Variants in SLC12A2 observed in about 807,000 individuals in gnomAD.
The protein encoded by SLC12A2 is solute carrier family 12 member 2, also known as Na-K-2Cl cotransporter 1.
In SLC12A2, 67 loss-of-function variants were observed where a neutral mutation model predicts 136.3. The ratio of observed to expected loss-of-function variants is 0.49; its 90% confidence interval spans 0.40 to 0.60. The LOEUF (loss-of-function observed/expected upper bound fraction) is 0.60. Among genes scored for constraint, SLC12A2 ranks in the 20% least tolerant of loss-of-function variants. The pLI is 0.00. For missense variants in SLC12A2, 1,322 were observed against 1,534.7 expected (o/e 0.86, Z 2.32); for synonymous variants, 619 against 562.9 (o/e 1.10, Z -1.41).
intron 26 of SLC12A2, among the ~76,000 whole-genome samples, chr5:128,185,142 A>T (rs1763827259): frequency 6.6e-6 from 1 of 152,098 alleles, no homozygotes. Context: ...TATCTTTGTA[A>T]ACACTACAGC....
At chr5:128,107,128 T>C (rs959776479) in intron 1 of SLC12A2, among the ~76,000 whole-genome samples, 7 of 152,202 alleles carry the variant, frequency 4.6e-5, no homozygotes, top group Non-Finnish European at 7.3e-5. Flanking sequence ...AGTTGAATCA[T>C]CAATCCCTAT....
intron 19 of SLC12A2, among the ~76,000 whole-genome samples, chr5:128,174,116 C>T (rs1270272423): frequency 6.6e-6 from 1 of 152,130 alleles, no homozygotes; most frequent in Non-Finnish European, 1.5e-5. Flanking sequence ...GACTTGTACT[C>T]ATTACTGATT....
chr5:128,184,928 G>A (rs955166615), intron 26 of SLC12A2, 72 bp downstream of exon 26: 19 of 1,328,524 alleles, frequency 1.4e-5, no homozygotes, highest in Non-Finnish European at 1.6e-5. Context: ...TCTATTCCAA[G>A]TACATATCTA....
intron 6 of SLC12A2, 46 bp downstream of exon 6, chr5:128,134,321 T>C (rs775545051): frequency 1.0e-6 from 1 of 986,342 alleles, no homozygotes; most frequent in Non-Finnish European, 1.6e-6. Context: ...ACGTAAACTT[T>C]TAGAGCTTAT....
intron 4 of SLC12A2, among the ~76,000 whole-genome samples, chr5:128,122,163 G>A (rs1322957545): frequency 6.6e-6 from 1 of 152,224 alleles, no homozygotes; most frequent in Non-Finnish European, 1.5e-5. Flanking sequence ...GCAGAGGTCA[G>A]TATCTTTTCA....
chr5:128,178,722 A>C, intron 22 of SLC12A2, 33 bp downstream of exon 22: 1 of 1,485,494 alleles, frequency 6.7e-7, no homozygotes, highest in Non-Finnish European at 9.0e-7. Flanking sequence ...AATGATTTTA[A>C]ATTTACTGAC....
intron 1 of SLC12A2, among the ~76,000 whole-genome samples, chr5:128,103,287 T>C (rs1000622957): frequency 1.3e-5 from 2 of 152,204 alleles, no homozygotes; most frequent in African/African-American, 4.8e-5. Flanking sequence ...GAGTGGATAA[T>C]ATCCCCATTT....
At chr5:128,162,968 G>A (rs1013866832) in intron 17 of SLC12A2, among the ~76,000 whole-genome samples, 32 of 152,100 alleles carry the variant, frequency 2.1e-4, no homozygotes, top group African/African-American at 7.5e-4. Flanking sequence ...AAGCTGATCA[G>A]CTATCATTAG....
intron 22 of SLC12A2, among the ~76,000 whole-genome samples, chr5:128,179,689 T>G (rs1763641583): frequency 6.6e-6 from 1 of 151,972 alleles, no homozygotes; most frequent in Admixed American, 6.6e-5. Context: ...TCACCCGGTC[T>G]CATGAGAACT....
intron 17 of SLC12A2, among the ~76,000 whole-genome samples, chr5:128,164,749 C>T (rs1038256646): frequency 1.3e-5 from 2 of 151,950 alleles, no homozygotes; most frequent in Admixed American, 6.6e-5. Flanking sequence ...CAATTTTTCC[C>T]TGTCCCCTCA....
In SLC12A2 at chr5:128,141,840, T is replaced by C; in HGVS notation, c.1632T>C (p.Val544=). ...TCACTTGTGCTTTAGGTTCTTGTGT[T>C]GTTCGAGATGCCACTGGAAACGTTA... ...VGIAVSVGSC[V]VRDATGNVND... is the part of the protein sequence containing the mutation. Residue 544 remains valine (V), a synonymous_variant, in exon 10 of 27, where the codon GTT becomes GTC. Transcript: ENST00000262461. 1.9e-6 allele frequency: 3 copies of C among 1,612,792 alleles called. No homozygotes were observed. The highest frequency in any genetic ancestry group is 2.5e-6 in the Non-Finnish European group (3 of 1,179,278).
intron 15 of SLC12A2, among the ~76,000 whole-genome samples, chr5:128,154,047 G>A (rs867450941): frequency 3.7e-4 from 53 of 144,026 alleles, no homozygotes; most frequent in African/African-American, 1.1e-3. Flanking sequence ...ATGTTTATTT[G>A]CCGTCAATTA....
intron 14 of SLC12A2, among the ~76,000 whole-genome samples, 175 bp from the exon 15 acceptor site, chr5:128,152,531 C>T (rs1025042371): frequency 2.0e-5 from 3 of 152,174 alleles, no homozygotes; most frequent in African/African-American, 7.2e-5. Flanking sequence ...AATTATAGTT[C>T]AGATTATCAG....
chr5:128,137,653 T>C (rs142445791), intron 7 of SLC12A2, among the ~76,000 whole-genome samples: 250 of 152,344 alleles, frequency 1.6e-3, no homozygotes, highest in African/African-American at 5.6e-3. Flanking sequence ...GTACAGGACC[T>C]GACACATAGT....
chr5:128,142,033 GACT>G (rs1762384039), intron 10 of SLC12A2, 52 bp downstream of exon 10: 1 of 1,446,294 alleles, frequency 6.9e-7, no homozygotes, highest in Non-Finnish European at 9.7e-7. Flanking sequence ...CTAGGGGTGA[GACT>G]ACTATCAAAT....
intron 10 of SLC12A2, among the ~76,000 whole-genome samples, chr5:128,145,300 A>G (rs971942234): frequency 9.2e-5 from 14 of 151,982 alleles, no homozygotes; most frequent in African/African-American, 3.4e-4. Context: ...TCTGTTCTCT[A>G]CTTTCGTCCA....
At position 128,084,161 on chromosome 5, in the gene SLC12A2, CAGA is replaced by C; in HGVS notation, c.208_210del (p.Arg70del). On this transcript the variant is annotated inframe_deletion, in exon 1 of 27. Coordinates refer to ENST00000262461, the MANE Select transcript of SLC12A2 (RefSeq NM_001046.3). This position sits in a 1 kb window ranked among gnomAD's most constrained non-coding sequence, Gnocchi z 5.6. Reference sequence around the variant, plus strand: ...CCGCGGCGGCCGGGGACGGGCTGGGCAGACCCTTGGGGCCCACCCCGAGCCAGA... The same window carrying C: ...CCGCGGCGGCCGGGGACGGGCTGGGCCCCTTGGGGCCCACCCCGAGCCAGA... 1 of 1,300,868 alleles carries C rather than the reference CAGA, an allele frequency of 7.7e-7. No individual in the cohort carries two copies. The highest frequency in any genetic ancestry group is 2.3e-5 in the South Asian group (1 of 43,166). 80.6% of individuals were successfully genotyped at this position (1,300,868 alleles called of 1,614,324 possible).
chr5:128,111,686 A>C (rs1761149461), intron 1 of SLC12A2, among the ~76,000 whole-genome samples: 1 of 151,022 alleles, frequency 6.6e-6, no homozygotes, highest in Non-Finnish European at 1.5e-5. Flanking sequence ...AATGGCATGA[A>C]CCTGGGAGGC....
At chr5:128,143,457 C>G (rs1214546215) in intron 10 of SLC12A2, among the ~76,000 whole-genome samples, 1 of 152,094 alleles carries the variant, frequency 6.6e-6, no homozygotes, top group Non-Finnish European at 1.5e-5. Flanking sequence ...TAGTACTTCT[C>G]CAGTATTTGG....
Sources: gnomAD v4.1 joint callset for allele counts (sites outside exome capture counted in the v4.1 genomes callset) on GRCh38, gnomAD v4.1.1 for gene constraint, Gnocchi (gnomAD v3.1) non-coding constraint, MANE v1.5 for transcripts, NCBI Gene and HGNC (gene_info 2026-07-23, HGNC 2026-07-21) for gene names.